Variants in GPATCH2 observed in about 807,000 individuals in gnomAD.
GPATCH2 encodes G-patch domain containing 2.
Under a neutral mutation model 58.0 loss-of-function variants are expected in GPATCH2, and 51 were observed. The ratio of observed to expected loss-of-function variants is 0.88; its 90% confidence interval spans 0.70 to 1.11. The LOEUF (loss-of-function observed/expected upper bound fraction) is 1.11. GPATCH2 is among the 50% of genes most tolerant of loss of function. The pLI, the probability that GPATCH2 is intolerant of heterozygous loss-of-function variation, is 0.00. For missense variants in GPATCH2, 625 were observed against 652.2 expected (o/e 0.96, Z 0.45); for synonymous variants, 222 against 218.5 (o/e 1.02, Z -0.14).
chr1:217,427,287 T>A lies in GPATCH2; in HGVS notation c.*3858A>T, dbSNP rs1405670465. On this transcript the variant is annotated 3_prime_UTR_variant, in exon 10 of 10. Transcript: ENST00000366935. ...CACAGAAACAATAAAAACAGGAAAATGTGGTAGAGCAGCTCACAATCGGCT... is the reference window on the plus strand; with the variant it reads ...CACAGAAACAATAAAAACAGGAAAAAGTGGTAGAGCAGCTCACAATCGGCT... 1 of 152,036 alleles carries A rather than the reference T, an allele frequency of 6.6e-6. No homozygotes were observed. The highest frequency in any genetic ancestry group is 1.5e-5 in the Non-Finnish European group (1 of 67,980). 9.4% of individuals were successfully genotyped at this position (152,036 alleles called of 1,614,324 possible).
chr1:217,457,508 G>T (rs1013326127), intron 8 of GPATCH2, among the ~76,000 whole-genome samples: 1 of 152,078 alleles, frequency 6.6e-6, no homozygotes, highest in African/African-American at 2.4e-5. Context: ...CAGATAAGGA[G>T]CCCAGGCACA....
At position 217,449,800 on chromosome 1, in the gene GPATCH2, G is replaced by C. The variant is rs897676664; in HGVS notation, c.1278-463C>G. ...GAATTCTCTTAAAACATTTTAAATA[G>C]AAGGAAATAGTGATGCTTCCCTTAT... On this transcript the variant is annotated intron_variant, in intron 8 of 9. Transcript: ENST00000366935. Among the ~76,000 whole-genome samples, 19 of 152,276 alleles carry C rather than the reference G, an allele frequency of 1.2e-4. 1 individual carries two copies. The South Asian group carries it at 1.7e-3, about 13-fold the overall frequency.
chr1:217,437,489 A>G (rs1044763269), intron 9 of GPATCH2, among the ~76,000 whole-genome samples: 28 of 152,154 alleles, frequency 1.8e-4, no homozygotes, highest in Non-Finnish European at 4.4e-5. Flanking sequence ...CAGGCTTGAA[A>G]TTCTCACTGC....
chr1:217,556,733 C>G (rs1414488853), intron 5 of GPATCH2, among the ~76,000 whole-genome samples: 1 of 152,152 alleles, frequency 6.6e-6, no homozygotes. Flanking sequence ...ACATTGTGGG[C>G]CATCACAAAT....
chr1:217,483,362 T>C (rs558515615), intron 8 of GPATCH2, among the ~76,000 whole-genome samples: 1 of 152,286 alleles, frequency 6.6e-6, no homozygotes, highest in African/African-American at 2.4e-5. Context: ...TATTTTTACT[T>C]TTTGTAGAGA....
At chr1:217,492,306 T>C (rs182545282) in intron 7 of GPATCH2, among the ~76,000 whole-genome samples, 2 of 152,288 alleles carry the variant, frequency 1.3e-5, no homozygotes, top group South Asian at 2.1e-4. Context: ...CTTGGAAATA[T>C]ATAATTAGAA....
At chr1:217,498,072 A>G in intron 7 of GPATCH2, 1 of 523,468 alleles carries the variant, frequency 1.9e-6, no homozygotes, top group East Asian at 3.3e-5. Flanking sequence ...TGAAAAATAA[A>G]GATCAATAGT....
intron 5 of GPATCH2, among the ~76,000 whole-genome samples, chr1:217,526,440 T>C (rs1036458758): frequency 1.3e-5 from 2 of 152,114 alleles, no homozygotes; most frequent in Middle Eastern, 3.2e-3. Context: ...AGGGAAAAAG[T>C]ACAAAAGTAC....
At position 217,429,673 on chromosome 1, in the gene GPATCH2, C is replaced by T. The variant is rs1195671625; in HGVS notation, c.*1472G>A. 1 of 151,806 alleles carries T rather than the reference C, an allele frequency of 6.6e-6. No homozygotes were observed. Among genetic ancestry groups the T allele is most frequent in the Non-Finnish European group, 1.5e-5 (1 of 67,982 alleles). 9.4% of individuals were successfully genotyped at this position (151,806 alleles called of 1,614,324 possible). On this transcript the variant is annotated 3_prime_UTR_variant, in exon 10 of 10. Coordinates refer to ENST00000366935, the MANE Select transcript of GPATCH2 (RefSeq NM_018040.5). ...TGAAACTCCGTCTATACTAAAAATA[C>T]AAAAATTATCCGGGTATGGTCGTGG...
At chr1:217,471,096 A>G (rs924286790) in intron 8 of GPATCH2, among the ~76,000 whole-genome samples, 2 of 151,922 alleles carry the variant, frequency 1.3e-5, no homozygotes, top group Non-Finnish European at 2.9e-5. Flanking sequence ...ATTATTTTGG[A>G]CATATAAATA....
intron 6 of GPATCH2, among the ~76,000 whole-genome samples, chr1:217,506,028 C>G (rs1329732243): frequency 6.6e-6 from 1 of 152,108 alleles, no homozygotes; most frequent in Non-Finnish European, 1.5e-5. Context: ...ACCATGTTGG[C>G]CAGGCTGGTC....
intron 8 of GPATCH2, among the ~76,000 whole-genome samples, chr1:217,482,006 T>G (rs1043260023): frequency 1.3e-5 from 2 of 152,172 alleles, no homozygotes; most frequent in Non-Finnish European, 2.9e-5. Context: ...ACAACAATGC[T>G]ATGAGGTAGG....
chr1:217,452,462 C>T (rs1342112427), intron 8 of GPATCH2, among the ~76,000 whole-genome samples: 2 of 152,152 alleles, frequency 1.3e-5, no homozygotes, highest in African/African-American at 2.4e-5. Context: ...TAGATGCTCA[C>T]TGTGACTATT....
chr1:217,598,453 A>ATT (rs941564794), intron 5 of GPATCH2, among the ~76,000 whole-genome samples: 1 of 146,960 alleles, frequency 6.8e-6, no homozygotes, highest in Non-Finnish European at 1.5e-5. Context: ...ATTAAAAAAA[A>ATT]TTTTTTTTTT....
chr1:217,622,523 A>C (rs1571673155), intron 1 of GPATCH2, among the ~76,000 whole-genome samples: 2 of 152,298 alleles, frequency 1.3e-5, no homozygotes, highest in Non-Finnish European at 2.9e-5. Context: ...TTTCCTTTCT[A>C]AGGGTACTAT....
At chr1:217,479,302 A>G (rs1661108791) in intron 8 of GPATCH2, among the ~76,000 whole-genome samples, 1 of 152,220 alleles carries the variant, frequency 6.6e-6, no homozygotes, top group Non-Finnish European at 1.5e-5. Context: ...AATGAATAAA[A>G]AATAATAACT....
intron 5 of GPATCH2, among the ~76,000 whole-genome samples, chr1:217,600,338 G>A (rs1668051016): frequency 6.6e-6 from 1 of 151,994 alleles, no homozygotes; most frequent in East Asian, 1.9e-4. Context: ...ACAAATAACT[G>A]GTTGGCATCC....
intron 8 of GPATCH2, among the ~76,000 whole-genome samples, chr1:217,451,382 T>G (rs1659658811): frequency 6.6e-6 from 1 of 152,128 alleles, no homozygotes; most frequent in South Asian, 2.1e-4. Flanking sequence ...GAAACACAAA[T>G]AAATTCTGTC....
intron 6 of GPATCH2, among the ~76,000 whole-genome samples, chr1:217,509,105 G>T (rs1183731492): frequency 6.6e-6 from 1 of 152,110 alleles, no homozygotes; most frequent in Non-Finnish European, 1.5e-5. Flanking sequence ...TTTGGGATGA[G>T]AAGGCGGGTG....
Sources: allele counts gnomAD v4.1 joint callset (sites outside exome capture counted in the v4.1 genomes callset), GRCh38; gene constraint gnomAD v4.1.1; transcripts MANE v1.5; gene names NCBI Gene and HGNC (gene_info 2026-07-23, HGNC 2026-07-21).